CUX2: variants seen among roughly 807,000 people sequenced by gnomAD.
CUX2 encodes homeobox protein cut-like 2.
Under a neutral mutation model 144.8 loss-of-function variants are expected in CUX2, and 40 were observed. The ratio of observed to expected loss-of-function variants is 0.28; its 90% CI spans 0.21 to 0.36. The LOEUF (loss-of-function observed/expected upper bound fraction) is 0.36, where lower values mean the gene tolerates loss of function less well. CUX2 is among the 10% of genes least tolerant of loss of function. The pLI is 1.00. For missense variants in CUX2, 1,615 were observed against 1,994.0 expected, an observed-to-expected ratio of 0.81 and a Z score of 3.62; for synonymous variants, 827 against 875.6, an observed-to-expected ratio of 0.94 and a Z score of 0.98.
At position 111,348,105 on chromosome 12, in the gene CUX2, C is replaced by G. The variant is rs1367766151; in HGVS notation, c.4241C>G (p.Pro1414Arg). 1 of 1,614,156 alleles carries G rather than the reference C, an allele frequency of 6.2e-7. No homozygotes were observed. The change falls in exon 22 of 22, where the codon CCC becomes CGC. Residue 1414 changes from proline to arginine, a missense_variant. Pro to Arg is a moderately radical substitution (Grantham distance 103). Transcript: ENST00000261726. ...PGLMMSVSPV[P>R]SSSAPISPSP... ...CTCATGATGTCTGTGTCACCTGTCCCCTCCTCCTCAGCTCCCATCTCCCCA... is the reference window on the plus strand; with the variant it reads ...CTCATGATGTCTGTGTCACCTGTCCGCTCCTCCTCAGCTCCCATCTCCCCA...
At chr12:111,271,957 G>C (rs551510380) in intron 4 of CUX2, among the ~76,000 whole-genome samples, 7 of 152,136 alleles carry the variant, frequency 4.6e-5, no homozygotes, top group African/African-American at 1.7e-4. Context: ...CTTGTCTATT[G>C]TATGTAGCAG....
Position 111,347,570 on chromosome 12 carries a change from C to A in CUX2, c.3706C>A (p.Pro1236Thr), listed in dbSNP as rs1888860670. ...GTTGGTGGAGGGGACCCAGGATGAG[C>A]CAGACCTTGATCCAAGCGGGGGTCC... is the stretch of plus-strand genomic sequence containing the variant. ...EMLVEGTQDEPDLDPSGGPGI... is the reference protein window; with the variant it reads ...EMLVEGTQDETDLDPSGGPGI... The change falls in exon 22 of 22, where the codon CCA becomes ACA. Residue 1236 changes from proline (P) to threonine (T), a missense_variant. Physicochemically the swap from Pro to Thr is conservative, Grantham distance 38. Around this residue, in one of 12 missense-constraint regions of CUX2, gnomAD observed 298 missense variants for 330.4 expected, o/e 0.90. Transcript: ENST00000261726. 4 of 1,611,768 alleles carry A rather than the reference C, an allele frequency of 2.5e-6. No individual in the cohort carries two copies. The highest frequency in any genetic ancestry group is 3.4e-6 in the Non-Finnish European group (4 of 1,179,232).
intron 1 of CUX2, among the ~76,000 whole-genome samples, chr12:111,203,528 G>A (rs1880732540): frequency 6.8e-6 from 1 of 147,878 alleles, no homozygotes; most frequent in African/African-American, 2.5e-5. Context: ...CTGGGTGACA[G>A]AGCAAGACTC....
chr12:111,039,190 C>T lies in CUX2; in HGVS notation c.63+4950C>T, dbSNP rs890204340. ...CTTCCTGGCTATCTAATTCAAAGGC[C>T]GGGCCTGGCAGAGGTGAAGCATTGG... is the stretch of plus-strand genomic sequence containing the variant. On this transcript the variant is annotated intron_variant, in intron 1 of 21. Coordinates refer to ENST00000261726, the MANE Select transcript of CUX2 (RefSeq NM_015267.4). This position sits in a 1 kb window ranked among gnomAD's most constrained non-coding sequence, Gnocchi z 4.2. Among the ~76,000 whole-genome samples the T allele has an allele frequency of 3.3e-5, 5 of 152,004 alleles. No individual in the cohort carries two copies. The highest frequency in any genetic ancestry group is 9.7e-5 in the African/African-American group (4 of 41,370).
chr12:111,308,913 CTT>C (rs1348034943), intron 14 of CUX2, among the ~76,000 whole-genome samples: 1 of 151,556 alleles, frequency 6.6e-6, no homozygotes, highest in African/African-American at 2.4e-5. Flanking sequence ...CACCCGCTGA[CTT>C]TTTTTTTGAG....
intron 1 of CUX2, among the ~76,000 whole-genome samples, chr12:111,203,339 G>A (rs1199797331): frequency 1.3e-5 from 2 of 151,680 alleles, no homozygotes; most frequent in Non-Finnish European, 2.9e-5. Context: ...GAGCCCAGGA[G>A]TTCAAGACCA....
rs925261580 is a variant in CUX2 at position 111,186,481 on chromosome 12, C to T, written c.64-27719C>T. On this transcript the variant is annotated intron_variant, in intron 1 of 21. Coordinates refer to ENST00000261726, the MANE Select transcript of CUX2 (RefSeq NM_015267.4). This position sits in a 1 kb window ranked among gnomAD's most constrained non-coding sequence, Gnocchi z 4.4. Reference sequence around the variant, plus strand: ...AACAGGGGAGCGGGAAGGGCACACGCGCAGGTCCTGAGGTCGGGTGGGGAA... The same window carrying T: ...AACAGGGGAGCGGGAAGGGCACACGTGCAGGTCCTGAGGTCGGGTGGGGAA... Among the ~76,000 whole-genome samples the T allele has an allele frequency of 2.2e-4, 34 of 152,178 alleles. No individual in the cohort carries two copies. Among genetic ancestry groups the T allele is most frequent in the African/African-American group, 7.7e-4 (32 of 41,444 alleles).
intron 1 of CUX2, among the ~76,000 whole-genome samples, chr12:111,209,933 G>A (rs1005926235): frequency 2.0e-5 from 3 of 151,952 alleles, no homozygotes; most frequent in African/African-American, 7.2e-5. Flanking sequence ...AATGGTCTGC[G>A]CCGGGCTCCG....
chr12:111,173,777 G>A (rs147773798), intron 1 of CUX2, among the ~76,000 whole-genome samples: 50 of 152,162 alleles, frequency 3.3e-4, no homozygotes, highest in Admixed American at 9.8e-4. Flanking sequence ...GAAAAAAATC[G>A]CCAGGCTCTA....
intron 1 of CUX2, among the ~76,000 whole-genome samples, chr12:111,146,258 A>T (rs1258021495): frequency 6.6e-6 from 1 of 152,292 alleles, no homozygotes; most frequent in African/African-American, 2.4e-5. Flanking sequence ...GGGTTTGGAC[A>T]AATGTATGAC....
At chr12:111,339,424 T>C (rs1011335915) in intron 20 of CUX2, 9 of 152,156 alleles carry the variant, frequency 5.9e-5, no homozygotes, top group African/African-American at 1.9e-4. Flanking sequence ...AGATTCTACA[T>C]AACAAAGGAC....
At chr12:111,070,326 CCCTT>C in intron 1 of CUX2, among the ~76,000 whole-genome samples, 1 of 151,772 alleles carries the variant, frequency 6.6e-6, no homozygotes, top group Non-Finnish European at 1.5e-5. Flanking sequence ...CTCCCTCTCT[CCCTT>C]CCTTCCTTCC....
chr12:111,040,842 C>T (rs553887061), intron 1 of CUX2, among the ~76,000 whole-genome samples: 9 of 152,318 alleles, frequency 5.9e-5, no homozygotes, highest in Admixed American at 2.0e-4. Context: ...ATGGACGTGG[C>T]TGTGTTCCAA....
intron 3 of CUX2, among the ~76,000 whole-genome samples, chr12:111,243,900 C>T (rs1411936416): frequency 2.0e-5 from 3 of 152,050 alleles, no homozygotes; most frequent in Non-Finnish European, 2.9e-5. Flanking sequence ...CATGTGTGTT[C>T]GTGAGCACAT....
Position 111,267,556 on chromosome 12 carries a change from A to G in CUX2, c.301+3717A>G, listed in dbSNP as rs79208376. 4.1e-3 allele frequency among the ~76,000 whole-genome samples: 620 copies of G among 152,302 alleles called. 1 individual carries two copies. Among genetic ancestry groups the G allele is most frequent in the Non-Finnish European group, 5.8e-3 (396 of 68,030 alleles). On this transcript the variant is annotated intron_variant, in intron 4 of 21. Transcript: ENST00000261726. The stretch of plus-strand genomic sequence containing the variant: ...GTGTGACAAGCTGGCTGCACGTGGA[A>G]GGCTGAGTTAGTTTCCTACGGCTGT...
intron 3 of CUX2, among the ~76,000 whole-genome samples, chr12:111,219,518 ATCACT>A (rs1217979590): frequency 1.3e-5 from 2 of 152,358 alleles, no homozygotes; most frequent in South Asian, 4.1e-4. Context: ...TGTAGAGAGC[ATCACT>A]TTCTCAGCTG....
chr12:111,217,094 G>A (rs968043080), intron 2 of CUX2, among the ~76,000 whole-genome samples: 4 of 152,084 alleles, frequency 2.6e-5, no homozygotes, highest in Non-Finnish European at 2.9e-5. Flanking sequence ...CTTACGTGCC[G>A]GGGAGAAGAA....
intron 1 of CUX2, among the ~76,000 whole-genome samples, chr12:111,185,364 G>C (rs1879463047): frequency 6.6e-6 from 1 of 152,220 alleles, no homozygotes; most frequent in African/African-American, 2.4e-5. Flanking sequence ...TACTGGCTCT[G>C]TTATTTACTG....
chr12:111,054,261 G>T (rs1176797562), intron 1 of CUX2, among the ~76,000 whole-genome samples: 1 of 152,254 alleles, frequency 6.6e-6, no homozygotes, highest in African/African-American at 2.4e-5. Flanking sequence ...TTCTGGGGGT[G>T]TGGGTTTCCC....
Sources: gnomAD v4.1 joint callset for allele counts (sites outside exome capture counted in the v4.1 genomes callset) on GRCh38, gnomAD v4.1.1 for gene constraint, gnomAD v4.1.1 regional missense constraint, Gnocchi (gnomAD v3.1) non-coding constraint, MANE v1.5 for transcripts, NCBI Gene and HGNC (gene_info 2026-07-23, HGNC 2026-07-21) for gene names.